CSF1R: variants seen among roughly 807,000 people sequenced by gnomAD.
CSF1R encodes colony stimulating factor 1 receptor.
In CSF1R, 40 loss-of-function variants were observed where a neutral mutation model predicts 110.0. That is an observed-to-expected ratio of 0.36 (90% CI 0.28 to 0.47). CSF1R has a LOEUF of 0.47. Ranked by LOEUF, CSF1R falls within the 20% of genes least tolerant of loss-of-function variation. CSF1R has a pLI of 0.99. For synonymous variants in CSF1R, 523 were observed against 503.4 expected, an observed-to-expected ratio of 1.04 and a Z score of -0.52; for missense variants, 1,052 against 1,253.0, an observed-to-expected ratio of 0.84 and a Z score of 2.42.
chr5:150,058,550 G>A (rs759556544), intron 14 of CSF1R, among the ~76,000 whole-genome samples: 1 of 152,162 alleles, frequency 6.6e-6, no homozygotes, highest in Admixed American at 6.5e-5. Context: ...CCCACTCTGG[G>A]AATACTTTCC....
rs1757869581 is a variant in CSF1R, at chr5:150,068,307, C to T, written c.1534G>A (p.Glu512Lys). The change falls in exon 10 of 21, where the codon GAG becomes AAG. Residue 512 changes from glutamate to lysine, a missense_variant. Coordinates refer to ENST00000675795, the MANE Select transcript of CSF1R (RefSeq NM_001288705.3). ...SAGAHTHPPDEFLFTPVVVAC... is the reference protein window; with the variant it reads ...SAGAHTHPPDKFLFTPVVVAC... ...ACCACCACTGGTGTGAAGAGGAACT[C>T]ATCCGGGGGATGCGTGTGGGCTCCT... is the stretch of plus-strand genomic sequence containing the variant. 1.2e-6 allele frequency: 2 copies of T among 1,612,936 alleles called. No homozygotes were observed. Among genetic ancestry groups the T allele is most frequent in the Admixed American group, 1.7e-5 (1 of 60,004 alleles).
chr5:150,061,824 T>G lies in CSF1R; in HGVS notation c.1652A>C (p.Lys551Thr). Reference sequence around the variant, plus strand: ...GTTGCCCTCATAGCTCTCGATGATCTTCCAGCGGACCTGGTACTTGGGCTT... The same window carrying G: ...GTTGCCCTCATAGCTCTCGATGATCGTCCAGCGGACCTGGTACTTGGGCTT... ...KQKPKYQVRW[K>T]IIESYEGNSY... is the part of the protein sequence containing the mutation. The change falls in exon 11 of 21, where the codon AAG becomes ACG. Residue 551 changes from lysine to threonine, a missense_variant. Lys to Thr is a moderately conservative substitution (Grantham distance 78, BLOSUM62 -1). Coordinates refer to ENST00000675795, the MANE Select transcript of CSF1R (RefSeq NM_001288705.3). 6.2e-7 allele frequency: 1 copy of G among 1,614,184 alleles called. No homozygotes were observed. The highest frequency in any genetic ancestry group is 1.1e-5 in the South Asian group (1 of 91,078).
intron 14 of CSF1R, 141 bp from the exon 15 acceptor site, chr5:150,057,733 G>A: frequency 1.5e-6 from 1 of 648,240 alleles, no homozygotes; most frequent in South Asian, 1.8e-5. Context: ...CTCCATCTGA[G>A]TGAGCATTGG....
At chr5:150,086,642 G>A, upstream of CSF1R, 1 of 524,416 alleles carries the variant, frequency 1.9e-6, no homozygotes. Context: ...GGAAATCTTG[G>A]GTCTTTAAGA....
chr5:150,112,261 T>C (rs1036214364), intron 1 of CSF1R, among the ~76,000 whole-genome samples: 12 of 152,180 alleles, frequency 7.9e-5, no homozygotes, highest in Admixed American at 1.3e-4. Flanking sequence ...CAACAACAGC[T>C]TGGACTGGTG....
intron 1 of CSF1R, among the ~76,000 whole-genome samples, chr5:150,092,445 A>G (rs923318910): frequency 4.6e-5 from 7 of 152,022 alleles, no homozygotes; most frequent in Non-Finnish European, 1.0e-4. Context: ...TTTTTTTCCT[A>G]TACCTACTGT....
rs1179809363 is a variant in CSF1R, at chr5:150,061,836, T to C, written c.1640A>G (p.Gln547Arg). 3.1e-6 allele frequency: 5 copies of C among 1,614,012 alleles called. No homozygotes were observed. The highest frequency in any genetic ancestry group is 1.3e-5 in the African/African-American group (1 of 74,918). ...GCTCTCGATGATCTTCCAGCGGACCTGGTACTTGGGCTTCTGCAGAAGAGG... is the reference window on the plus strand; with the variant it reads ...GCTCTCGATGATCTTCCAGCGGACCCGGTACTTGGGCTTCTGCAGAAGAGG... ...LYKYKQKPKY[Q>R]VRWKIIESYE... Residue 547 changes from glutamine (Q) to arginine (R), a missense_variant, in exon 11 of 21, where the codon CAG (glutamine) becomes CGG (arginine). This residue lies in a region of CSF1R where 693 missense variants were observed against 735.4 expected (regional missense o/e 0.94). Transcript: ENST00000675795.
rs945126635 is a variant in CSF1R, at chr5:150,073,021, A to G, written c.1082+280T>C. 7.4e-4 allele frequency among the ~76,000 whole-genome samples: 113 copies of G among 152,298 alleles called. 1 individual carries two copies. The highest frequency in any genetic ancestry group is 3.6e-3 in the Admixed American group (55 of 15,294). ...GAGGCTGAGGGTTCTTGAGGGACCA[A>G]TGAGAATGCACACTCCCAAGAAATG... On this transcript the variant is annotated intron_variant, in intron 6 of 20. Transcript: ENST00000675795.
At chr5:150,087,333 C>T (rs1283189137), upstream of CSF1R, among the ~76,000 whole-genome samples, 1 of 152,182 alleles carries the variant, frequency 6.6e-6, no homozygotes, top group Non-Finnish European at 1.5e-5. Flanking sequence ...AATAAGCTTC[C>T]TTTTACAGGA....
intron 1 of CSF1R, 82 bp from the exon 2 acceptor site, chr5:150,081,106 G>C: frequency 1.3e-6 from 2 of 1,506,446 alleles, no homozygotes; most frequent in African/African-American, 1.4e-5. Context: ...ATGGGTGGTA[G>C]CTTGGCAGGG....
chr5:150,055,536 C>G (rs1255818943), intron 18 of CSF1R, among the ~76,000 whole-genome samples, 200 bp from the exon 19 acceptor site: 1 of 152,200 alleles, frequency 6.6e-6, no homozygotes, highest in Non-Finnish European at 1.5e-5. Context: ...TCTATCCAGG[C>G]CTTATCACAC....
chr5:150,089,715 A>T (rs561416558), upstream of CSF1R, among the ~76,000 whole-genome samples: 94 of 152,346 alleles, frequency 6.2e-4, 1 homozygote, highest in Middle Eastern at 0.01. Context: ...TTCATATGGA[A>T]TCTCGAGGGA....
At chr5:150,058,001 T>C (rs1013923496) in intron 14 of CSF1R, among the ~76,000 whole-genome samples, 10 of 152,182 alleles carry the variant, frequency 6.6e-5, no homozygotes, top group African/African-American at 2.4e-4. Flanking sequence ...TGGCTTCACA[T>C]TAAAATCACT....
chr5:150,055,096 C>T (rs1757142938), intron 19 of CSF1R, 141 bp downstream of exon 19: 5 of 675,636 alleles, frequency 7.4e-6, no homozygotes, highest in Non-Finnish European at 1.3e-5. Flanking sequence ...TCAAAAGGGG[C>T]TTGTTGTGTC....
chr5:150,080,560 C>A (rs1268020301), intron 2 of CSF1R, among the ~76,000 whole-genome samples: 1 of 152,238 alleles, frequency 6.6e-6, no homozygotes, highest in African/African-American at 2.4e-5. Flanking sequence ...TGGATAACCT[C>A]CCTGCACTTC....
intron 1 of CSF1R, among the ~76,000 whole-genome samples, chr5:150,107,639 C>T (rs574755448): frequency 7.2e-5 from 11 of 152,344 alleles, no homozygotes; most frequent in African/African-American, 2.6e-4. Flanking sequence ...CCCACATGTT[C>T]AACCACTGTC....
chr5:150,082,700 G>C lies in CSF1R; in HGVS notation c.50-1676C>G, dbSNP rs146745471. Among the ~76,000 whole-genome samples the C allele has an allele frequency of 6.1e-3, 933 of 152,300 alleles. 4 individuals carry two copies. Among genetic ancestry groups the C allele is most frequent in the African/African-American group, 0.021 (870 of 41,556 alleles). On this transcript the variant is annotated intron_variant, in intron 1 of 20. Transcript: ENST00000675795. ...TCTTGGTTCTTCCCTTACCAGCTGGGTTAGTTTCTTAACCTCTTTGAGCCT... is the reference window on the plus strand; with the variant it reads ...TCTTGGTTCTTCCCTTACCAGCTGGCTTAGTTTCTTAACCTCTTTGAGCCT...
At chr5:150,086,593 T>C (rs1758858065), upstream of CSF1R, 1 of 582,402 alleles carries the variant, frequency 1.7e-6, no homozygotes, top group Non-Finnish European at 3.0e-6. Flanking sequence ...GCTGATCCTC[T>C]TCTTCCCCTT....
At chr5:150,054,578 G>C in intron 19 of CSF1R, 148 bp from the exon 20 acceptor site, 1 of 622,168 alleles carries the variant, frequency 1.6e-6, no homozygotes, top group South Asian at 2.2e-5. Context: ...TCCTTGGCAT[G>C]CTTTACCATT....
Sources: allele counts gnomAD v4.1 joint callset (sites outside exome capture counted in the v4.1 genomes callset), GRCh38; gene constraint gnomAD v4.1.1; regional missense constraint gnomAD v4.1.1; transcripts MANE v1.5; gene names NCBI Gene and HGNC (gene_info 2026-07-23, HGNC 2026-07-21).